KIFC3: variants seen among roughly 807,000 people sequenced by gnomAD.
The protein encoded by KIFC3 is kinesin family member C3.
KIFC3 carries 60 observed loss-of-function variants against 101.8 expected under a neutral mutation model. That is an observed-to-expected ratio of 0.59 (90% CI 0.48 to 0.73). The LOEUF is 0.73. Ranked by LOEUF, KIFC3 falls within the 30% of genes least tolerant of loss-of-function variation. The pLI is 0.00. For synonymous variants in KIFC3, 476 were observed against 482.7 expected, an observed-to-expected ratio of 0.99 and a Z score of 0.18; for missense variants, 966 against 1,137.1, an observed-to-expected ratio of 0.85 and a Z score of 2.16.
Position 57,810,770 on chromosome 16 carries a change from G to C in KIFC3, c.109-12488C>G, listed in dbSNP as rs61742579. ...TTGCCTTTGCTTTCATTCAATCCCC[G>C]CAACAACATGTGTGGTAGGTGTTAT... On this transcript the variant is annotated intron_variant, in intron 1 of 2. Transcript: ENST00000563028. 6.6e-6 allele frequency: 5 copies of C among 757,674 alleles called. No homozygotes were observed. The African/African-American group carries it at 9.5e-5, about 14-fold the overall frequency. The allele number at this position is 757,674 out of a possible 1,614,324, so 46.9% of individuals were successfully genotyped here. A position where few individuals can be genotyped will look rare whatever the true frequency, so the allele number is the denominator to read the frequency against.
At chr16:57,829,750 T>C (rs1311388311) in intron 1 of KIFC3, among the ~76,000 whole-genome samples, 1 of 152,122 alleles carries the variant, frequency 6.6e-6, no homozygotes, top group Non-Finnish European at 1.5e-5. Context: ...CTCAGGGTAA[T>C]CTCACGGAGC....
At chr16:57,857,599 A>G (rs2056199230) in intron 1 of KIFC3, among the ~76,000 whole-genome samples, 1 of 150,260 alleles carries the variant, frequency 6.7e-6, no homozygotes, top group African/African-American at 2.5e-5. Flanking sequence ...CCCTGTGTCT[A>G]TGTGTTCTCA....
At chr16:57,837,111 G>A (rs1460934003) in intron 1 of KIFC3, among the ~76,000 whole-genome samples, 1 of 152,098 alleles carries the variant, frequency 6.6e-6, no homozygotes, top group Non-Finnish European at 1.5e-5. Context: ...GACAGAGTTG[G>A]CGAGTGAGGG....
chr16:57,766,475 G>A (rs868982337), intron 10 of KIFC3, among the ~76,000 whole-genome samples: 3 of 152,212 alleles, frequency 2.0e-5, no homozygotes, highest in South Asian at 2.1e-4. Flanking sequence ...GGGCTGGAAC[G>A]GCACCTGGCA....
rs782344950 is a variant in KIFC3, at chr16:57,760,829, G to A, written c.2129C>T (p.Ala710Val). 1.9e-5 allele frequency: 30 copies of A among 1,613,424 alleles called. No homozygotes were observed. Among genetic ancestry groups the A allele is most frequent in the East Asian group, 4.5e-5 (2 of 44,878 alleles). Reference sequence around the variant, plus strand: ...CACGTGGCCCTGGCGGGAGCGCAGGGCAGCAATGACGTCCCCCAGAGCCGA... The same window carrying A: ...CACGTGGCCCTGGCGGGAGCGCAGGACAGCAATGACGTCCCCCAGAGCCGA... ...SLSALGDVIAALRSRQGHVPF... is the reference protein window; with the variant it reads ...SLSALGDVIAVLRSRQGHVPF... The change falls in exon 16 of 20, where the codon GCC (alanine) becomes GTC (valine). Residue 710 changes from alanine (A) to valine (V), a missense_variant. Transcript: ENST00000445690.
intron 16 of KIFC3, 107 bp downstream of exon 16, chr16:57,760,619 G>T: frequency 1.8e-6 from 2 of 1,133,578 alleles, no homozygotes; most frequent in Non-Finnish European, 2.6e-6. Flanking sequence ...GTGTGGCCAG[G>T]TCTAGGGGCG....
chr16:57,819,373 G>A (rs2055302986), intron 1 of KIFC3, among the ~76,000 whole-genome samples: 1 of 152,132 alleles, frequency 6.6e-6, no homozygotes, highest in African/African-American at 2.4e-5. Flanking sequence ...GGGAGGCTGA[G>A]GAGAGAGGAT....
At chr16:57,804,572 C>T (rs1455295831), upstream of KIFC3, among the ~76,000 whole-genome samples, 3 of 152,268 alleles carry the variant, frequency 2.0e-5, no homozygotes, top group African/African-American at 2.4e-5. Flanking sequence ...CGATTTGAAA[C>T]GTAAAAACTA....
Position 57,758,745 on chromosome 16 carries a change from C to A in KIFC3, c.*189G>T. On this transcript the variant is annotated 3_prime_UTR_variant, in exon 20 of 20. Transcript: ENST00000445690. Reference sequence around the variant, plus strand: ...CACAGCCGAGAGACACCGTTTCCTTCTGAACATGTTTCTCATCTTTGAGGG... The same window carrying A: ...CACAGCCGAGAGACACCGTTTCCTTATGAACATGTTTCTCATCTTTGAGGG... The A allele has an allele frequency of 1.1e-6, 1 of 950,516 alleles. No homozygotes were observed. Among genetic ancestry groups the A allele is most frequent in the Admixed American group, 1.8e-5 (1 of 56,318 alleles). The allele number at this position is 950,516 out of a possible 1,614,324, so 58.9% of individuals were successfully genotyped here. A position where few individuals can be genotyped will look rare whatever the true frequency, so the allele number is the denominator to read the frequency against.
chr16:57,763,450 C>T (rs1307180664), intron 12 of KIFC3, among the ~76,000 whole-genome samples: 1 of 152,146 alleles, frequency 6.6e-6, no homozygotes, highest in Admixed American at 6.5e-5. Flanking sequence ...CCTGGCTAGC[C>T]CCTTCCCCTG....
intron 3 of KIFC3, among the ~76,000 whole-genome samples, chr16:57,778,570 T>C (rs2052383817): frequency 6.6e-6 from 1 of 152,174 alleles, no homozygotes; most frequent in Non-Finnish European, 1.5e-5. Flanking sequence ...TATAAAGAAC[T>C]ATAACTCAAC....
intron 1 of KIFC3, among the ~76,000 whole-genome samples, chr16:57,836,066 G>A (rs964825960): frequency 6.6e-6 from 1 of 152,098 alleles, no homozygotes; most frequent in Non-Finnish European, 1.5e-5. Context: ...GCCTGAAGCT[G>A]GCATTCAGGT....
chr16:57,771,281 G>T lies in KIFC3; in HGVS notation c.682C>A (p.Gln228Lys). The change falls in exon 6 of 20, where the codon CAG becomes AAG. Residue 228 changes from glutamine (Q) to lysine (K), a missense_variant. Physicochemically the swap from Gln to Lys is moderately conservative, Grantham distance 53 (BLOSUM62 1). Around this residue, in one of 2 missense-constraint regions of KIFC3, gnomAD observed 689 missense variants for 884.6 expected, o/e 0.78. Transcript: ENST00000445690. ...CGCCGACTAAGCCGCTCCTCCTCCT[G>T]TGCCTTCTCAGCCAGGCAGTCCTTG... Reference protein sequence around the residue: ...RLKDCLAEKAQEEERLSRRLR... With the variant: ...RLKDCLAEKAKEEERLSRRLR... The T allele has an allele frequency of 6.2e-7, 1 of 1,613,530 alleles. No individual in the cohort carries two copies. Among genetic ancestry groups the T allele is most frequent in the Non-Finnish European group, 8.5e-7 (1 of 1,180,026 alleles).
chr16:57,804,781 G>T (rs1464168385), upstream of KIFC3, among the ~76,000 whole-genome samples: 1 of 151,810 alleles, frequency 6.6e-6, no homozygotes, highest in Non-Finnish European at 1.5e-5. Flanking sequence ...AAGTAGAGAT[G>T]GGGGTGTCTC....
In KIFC3 at chr16:57,764,125, C is replaced by A. The variant is rs1477296141; in HGVS notation, c.1617+18G>T. On this transcript the variant is annotated intron_variant, in intron 12 of 19. Transcript: ENST00000445690. ...TCATGCTTCACTGTGAACCCCCACCCCATTGGGCAGCACCCACCTCCATCG... is the reference window on the plus strand; with the variant it reads ...TCATGCTTCACTGTGAACCCCCACCACATTGGGCAGCACCCACCTCCATCG... 6.3e-6 allele frequency: 10 copies of A among 1,578,096 alleles called. No individual in the cohort carries two copies. Among genetic ancestry groups the A allele is most frequent in the East Asian group, 2.2e-5 (1 of 44,706 alleles).
chr16:57,775,901 C>G (rs2051998257), intron 3 of KIFC3: 1 of 985,482 alleles, frequency 1.0e-6, no homozygotes, highest in African/African-American at 1.7e-5. Flanking sequence ...TCAGCCAGAG[C>G]AACTGAATCA....
rs149606966 is a variant in KIFC3 at position 57,849,253 on chromosome 16, G to A, written c.108+13476C>T. Among the ~76,000 whole-genome samples the A allele has an allele frequency of 3.0e-3, 464 of 152,262 alleles. 4 individuals carry two copies. Among genetic ancestry groups the A allele is most frequent in the African/African-American group, 0.011 (450 of 41,556 alleles). On this transcript the variant is annotated intron_variant, in intron 1 of 2. Transcript: ENST00000563028. The stretch of plus-strand genomic sequence containing the variant: ...TTGGTGATCTCAGTAGAAAGGGTAC[G>A]TTGTAAATAAACAAAGCAATGAAAC...
At chr16:57,862,681 A>C (rs1959368119) in intron 1 of KIFC3, 1 of 677,134 alleles carries the variant, frequency 1.5e-6, no homozygotes, top group South Asian at 1.6e-5. Context: ...TCTCTCCAAC[A>C]GGCCTCCTCC....
At chr16:57,783,629 C>T (rs1334131607) in intron 3 of KIFC3, among the ~76,000 whole-genome samples, 2 of 151,940 alleles carry the variant, frequency 1.3e-5, no homozygotes, top group African/African-American at 4.8e-5. Context: ...CCCGCCACCA[C>T]ACCCAGCTAA....
Sources: gnomAD v4.1 joint callset for allele counts (sites outside exome capture counted in the v4.1 genomes callset) on GRCh38, gnomAD v4.1.1 for gene constraint, gnomAD v4.1.1 regional missense constraint, MANE v1.5 for transcripts, NCBI Gene and HGNC (gene_info 2026-07-23, HGNC 2026-07-21) for gene names.